ZXDC: variants seen among roughly 807,000 people sequenced by gnomAD.
ZXDC encodes zinc finger protein ZXDC.
Under a neutral mutation model 63.6 loss-of-function variants are expected in ZXDC, and 58 were observed. That is an observed-to-expected ratio of 0.91 (90% CI 0.74 to 1.13). The LOEUF (loss-of-function observed/expected upper bound fraction) is 1.13, where lower values mean the gene tolerates loss of function less well. Among genes scored for constraint, ZXDC ranks in the 50% most tolerant of loss-of-function variants. The probability of loss-of-function intolerance (pLI) is 0.00; values close to 1 mark genes in which losing one functional copy is unlikely to be tolerated. For synonymous variants in ZXDC, 561 were observed against 496.1 expected (o/e 1.13, Z -1.74); for missense variants, 1,133 against 1,148.9 (o/e 0.99, Z 0.20).
chr3:126,442,025 G>A, intron 7 of ZXDC, 79 bp from the exon 8 acceptor site: 4 of 1,408,458 alleles, frequency 2.8e-6, no homozygotes, highest in Non-Finnish European at 3.7e-6. Context: ...TCTCACTATG[G>A]GGAAGACAGC....
chr3:126,470,247 A>G (rs1934932860), intron 4 of ZXDC, among the ~76,000 whole-genome samples: 1 of 152,228 alleles, frequency 6.6e-6, no homozygotes, highest in South Asian at 2.1e-4. Flanking sequence ...TGGGTGGATC[A>G]CTTGACGTCA....
At chr3:126,459,116 T>C (rs1934420829) in intron 7 of ZXDC, 1 of 985,490 alleles carries the variant, frequency 1.0e-6, no homozygotes, top group East Asian at 1.1e-4. Context: ...ATTCCATTTT[T>C]AGGAAGGACA....
chr3:126,474,203 T>C (rs1428334053), intron 1 of ZXDC, among the ~76,000 whole-genome samples: 2 of 152,008 alleles, frequency 1.3e-5, no homozygotes, highest in African/African-American at 4.8e-5. Flanking sequence ...TAGCTGGGAC[T>C]ACAGGCGCCC....
intron 5 of ZXDC, among the ~76,000 whole-genome samples, chr3:126,463,252 G>A (rs1934628858): frequency 6.6e-6 from 1 of 151,984 alleles, no homozygotes; most frequent in Admixed American, 6.6e-5. Flanking sequence ...TGTGTTTTTA[G>A]TAGAGACGGG....
chr3:126,443,053 G>A (rs1560088983), intron 7 of ZXDC: 1 of 152,256 alleles, frequency 6.6e-6, no homozygotes, highest in Admixed American at 6.5e-5. Context: ...CAGCAGGCAA[G>A]CCAACTGGGT....
chr3:126,448,050 C>T (rs566076084), intron 7 of ZXDC, among the ~76,000 whole-genome samples: 49 of 151,150 alleles, frequency 3.2e-4, no homozygotes, highest in African/African-American at 1.1e-3. Context: ...GCTTTCTCAT[C>T]CAGAAAGGTG....
At chr3:126,461,247 C>A (rs1576679696) in intron 6 of ZXDC, 1 of 1,176,912 alleles carries the variant, frequency 8.5e-7, no homozygotes, top group Non-Finnish European at 1.1e-6. Context: ...AACCCCCAAT[C>A]TTCAAGGAAA....
In ZXDC at chr3:126,441,819, A is replaced by G; in HGVS notation, c.2340T>C (p.Ala780=). 1 of 1,613,500 alleles carries G rather than the reference A, an allele frequency of 6.2e-7. No homozygotes were observed. Among genetic ancestry groups the G allele is most frequent in the Non-Finnish European group, 8.5e-7 (1 of 1,179,842 alleles). Residue 780 remains alanine, a synonymous_variant, in exon 8 of 10, where the codon GCT becomes GCC. Coordinates refer to ENST00000389709, the MANE Select transcript of ZXDC (RefSeq NM_025112.5). ...CCCCGCACTGCACCCCAGCTGCTGGAGCTGGTCCTGGCCGTCCTCCGCTGG... is the reference window on the plus strand; with the variant it reads ...CCCCGCACTGCACCCCAGCTGCTGGGGCTGGTCCTGGCCGTCCTCCGCTGG... The part of the protein sequence containing the change: ...VVPSGGRPGP[A]PAAGVQCGAQ...
At chr3:126,444,169 C>T (rs911971552) in intron 7 of ZXDC, among the ~76,000 whole-genome samples, 7 of 152,234 alleles carry the variant, frequency 4.6e-5, no homozygotes, top group Non-Finnish European at 8.8e-5. Context: ...AGTCGCATTA[C>T]GCTTGCTTTC....
At position 126,439,861 on chromosome 3, in the gene ZXDC, C is replaced by T. The variant is rs529919143; in HGVS notation, c.2395-134G>A. The T allele has an allele frequency of 9.7e-6, 14 of 1,441,024 alleles. No homozygotes were observed. The Admixed American group carries it at 1.1e-4, about 12-fold the overall frequency. 89.3% of individuals were successfully genotyped at this position (1,441,024 alleles called of 1,614,324 possible). On this transcript the variant is annotated intron_variant, in intron 8 of 9. Transcript: ENST00000389709. The stretch of plus-strand genomic sequence containing the variant: ...CACCCCCTGTATTCCAAGGGAGGCC[C>T]GAGGACCCAGCAGGAATTGTTTATG...
chr3:126,463,664 T>C lies in ZXDC; in HGVS notation c.1442-1444A>G, dbSNP rs887334808. Among the ~76,000 whole-genome samples, 8 of 152,072 alleles carry C rather than the reference T, an allele frequency of 5.3e-5. No homozygotes were observed. The East Asian group carries it at 7.7e-4, about 15-fold the overall frequency. On this transcript the variant is annotated intron_variant, in intron 5 of 9. Transcript: ENST00000389709. ...TAAGGACTTGATGTCACGCTTTCCA[T>C]AGGACTGTCCCCAGCAGCTTCCTGA...
rs1297202051 is a variant in ZXDC, at chr3:126,439,974, C to T, written c.2395-247G>A. Reference sequence around the variant, plus strand: ...TGCTGGGCCTGGAACCTTCTGCTCTCCAGCTCCTCCCCTCAGTCAGCCCAA... The same window carrying T: ...TGCTGGGCCTGGAACCTTCTGCTCTTCAGCTCCTCCCCTCAGTCAGCCCAA... On this transcript the variant is annotated intron_variant, in intron 8 of 9. Coordinates refer to ENST00000389709, the MANE Select transcript of ZXDC (RefSeq NM_025112.5). 1.1e-5 allele frequency: 15 copies of T among 1,374,724 alleles called. No homozygotes were observed. The Admixed American group carries it at 2.1e-4, about 19-fold the overall frequency. The allele number at this position is 1,374,724 out of a possible 1,614,324, so 85.2% of individuals were successfully genotyped here.
At chr3:126,453,727 T>C in intron 7 of ZXDC, 1 of 982,512 alleles carries the variant, frequency 1.0e-6, no homozygotes, top group Non-Finnish European at 1.2e-6. Context: ...GGAGTTTCGC[T>C]CTTGTTGCCC....
intron 1 of ZXDC, among the ~76,000 whole-genome samples, chr3:126,473,481 A>G (rs181785786): frequency 1.3e-3 from 192 of 152,146 alleles, no homozygotes; most frequent in Non-Finnish European, 2.3e-3. Flanking sequence ...CCAACACAAA[A>G]CCCTCAAGAG....
intron 7 of ZXDC, chr3:126,457,201 G>A (rs1023766377): frequency 1.2e-5 from 11 of 943,456 alleles, no homozygotes; most frequent in African/African-American, 5.3e-5. Context: ...CCAGGACTGC[G>A]GCCACAGGGG....
At chr3:126,443,335 C>T (rs988797107) in intron 7 of ZXDC, 1 of 152,230 alleles carries the variant, frequency 6.6e-6, no homozygotes, top group Non-Finnish European at 1.5e-5. Context: ...GCTCTACTTG[C>T]TTCAGACAGA....
At chr3:126,473,521 T>C (rs1229361816) in intron 1 of ZXDC, among the ~76,000 whole-genome samples, 2 of 152,184 alleles carry the variant, frequency 1.3e-5, no homozygotes, top group East Asian at 3.9e-4. Flanking sequence ...GCGGGATCCC[T>C]GACCTTCCCA....
rs2107659435 is a variant in ZXDC at position 126,471,966 on chromosome 3, G to A, written c.1139+7C>T. 6.2e-7 allele frequency: 1 copy of A among 1,606,836 alleles called. No individual in the cohort carries two copies. The highest frequency in any genetic ancestry group is 1.3e-5 in the African/African-American group (1 of 74,686). On this transcript the variant is annotated splice_region_variant and intron_variant, in intron 3 of 9. Transcript: ENST00000389709. ...CCTGATAATGCAAACCAAAATGTAA[G>A]GATTACCTTCTGTGCCTTAGAAGTT... is the stretch of plus-strand genomic sequence containing the variant.
chr3:126,441,993 G>T, intron 7 of ZXDC, 47 bp from the exon 8 acceptor site: 1 of 1,540,850 alleles, frequency 6.5e-7, no homozygotes. Flanking sequence ...CAATCTACCA[G>T]TCAGGTCTGC....
Sources: gnomAD v4.1 joint callset for allele counts (sites outside exome capture counted in the v4.1 genomes callset) on GRCh38, gnomAD v4.1.1 for gene constraint, MANE v1.5 for transcripts, NCBI Gene and HGNC (gene_info 2026-07-23, HGNC 2026-07-21) for gene names.